Variants in TRMT11 observed in about 807,000 individuals in gnomAD.
TRMT11 encodes tRNA (guanine(10)-N(2))-methyltransferase TRMT11.
In TRMT11, 53 loss-of-function variants were observed where a neutral mutation model predicts 62.8. The ratio of observed to expected loss-of-function variants is 0.84; its 90% CI spans 0.68 to 1.06. The LOEUF (loss-of-function observed/expected upper bound fraction) is 1.06. TRMT11 is among the 50% of genes least tolerant of loss of function. TRMT11 has a pLI of 0.00. For synonymous variants in TRMT11, 188 were observed against 190.3 expected (o/e 0.99, Z 0.10); for missense variants, 556 against 553.4 (o/e 1.00, Z -0.05).
At chr6:126,096,515 A>C (rs187957064) in intron 17 of TRMT11, among the ~76,000 whole-genome samples, 39 of 151,244 alleles carry the variant, frequency 2.6e-4, no homozygotes, top group Non-Finnish European at 4.9e-4. Flanking sequence ...AGGTCATGCT[A>C]CCTCTAATTT....
intron 1 of TRMT11, among the ~76,000 whole-genome samples, chr6:125,990,439 TG>T (rs1386713245): frequency 1.3e-5 from 2 of 152,272 alleles, no homozygotes; most frequent in Non-Finnish European, 1.5e-5. Flanking sequence ...TTTTCTCCTC[TG>T]GGGGGCCCTT....
intron 5 of TRMT11, 103 bp from the exon 6 acceptor site, chr6:125,998,447 T>C: frequency 7.4e-7 from 1 of 1,356,904 alleles, no homozygotes; most frequent in Non-Finnish European, 1.0e-6. Flanking sequence ...TTTCATGTTT[T>C]ATTTAATGTT....
intron 21 of TRMT11, among the ~76,000 whole-genome samples, chr6:126,166,706 C>T (rs1355445774): frequency 6.6e-6 from 1 of 152,202 alleles, no homozygotes; most frequent in African/African-American, 2.4e-5. Context: ...TGAAGCTGCA[C>T]CCAGAGCTGC....
chr6:126,108,653 A>ATG lies in TRMT11; in HGVS notation c.*1438-4212_*1438-4211insGT, dbSNP rs202113546. Among the ~76,000 whole-genome samples the ATG allele has an allele frequency of 1.3e-3, 205 of 152,340 alleles. 3 individuals are homozygous for ATG. In the East Asian group the frequency reaches 0.033, roughly 24 times the overall value. ...CACTCCTTCTCTAGAACATTAATTTATAGTTCATTGAATGTGGTGCTCTAG... is the reference window on the plus strand; with the variant it reads ...CACTCCTTCTCTAGAACATTAATTTATGTAGTTCATTGAATGTGGTGCTCTAG... On this transcript the variant is annotated intron_variant and NMD_transcript_variant, in intron 17 of 22. Coordinates refer to the TRMT11 transcript ENST00000648977.
chr6:126,109,446 C>T (rs1049968925), intron 17 of TRMT11, among the ~76,000 whole-genome samples: 3 of 152,162 alleles, frequency 2.0e-5, no homozygotes, highest in South Asian at 2.1e-4. Context: ...ACCGAAGTTA[C>T]ACCCTTTGGG....
the TRMT11 span, among the ~76,000 whole-genome samples, chr6:126,261,057 T>C: frequency 6.6e-6 from 1 of 152,234 alleles, no homozygotes; most frequent in Non-Finnish European, 1.5e-5. Context: ...AAAACTACTA[T>C]AATGAGAAAG....
At chr6:126,008,356 T>TA in intron 7 of TRMT11, 36 bp from the exon 8 acceptor site, 1 of 1,582,474 alleles carries the variant, frequency 6.3e-7, no homozygotes, top group Non-Finnish European at 8.7e-7. Flanking sequence ...GTTTGGGACT[T>TA]ACTGGTTAAC....
intron 12 of TRMT11, among the ~76,000 whole-genome samples, chr6:126,024,141 TAA>T (rs1457660200): frequency 6.6e-6 from 1 of 152,250 alleles, no homozygotes; most frequent in East Asian, 1.9e-4. Flanking sequence ...TAAGTTAAAA[TAA>T]GTTTAATATG....
chr6:126,265,831 T>G, the TRMT11 span, among the ~76,000 whole-genome samples: 13 of 152,180 alleles, frequency 8.5e-5, no homozygotes, highest in Non-Finnish European at 1.3e-4. Flanking sequence ...CTGAAGACAT[T>G]ATATTTATCA....
chr6:126,123,300 C>CT (rs1228558380), intron 21 of TRMT11, among the ~76,000 whole-genome samples: 1 of 152,052 alleles, frequency 6.6e-6, no homozygotes, highest in Non-Finnish European at 1.5e-5. Context: ...TTGGAGCCAT[C>CT]TTTTGGGGGC....
chr6:126,224,799 A>G, the TRMT11 span, among the ~76,000 whole-genome samples: 1 of 152,212 alleles, frequency 6.6e-6, no homozygotes. Flanking sequence ...TGCCAGTGGC[A>G]GTGGGGCAAC....
intron 21 of TRMT11, among the ~76,000 whole-genome samples, chr6:126,161,061 G>A (rs536585625): frequency 6.6e-6 from 1 of 152,050 alleles, no homozygotes; most frequent in South Asian, 2.1e-4. Flanking sequence ...TGGTATTATG[G>A]TTCTTTTTAT....
the TRMT11 span, among the ~76,000 whole-genome samples, chr6:126,257,269 A>C: frequency 1.3e-5 from 2 of 151,780 alleles, no homozygotes; most frequent in Non-Finnish European, 2.9e-5. Context: ...TTTTCATTTT[A>C]TCTTTCTTTC....
chr6:126,261,573 A>G, the TRMT11 span, among the ~76,000 whole-genome samples: 1 of 152,104 alleles, frequency 6.6e-6, no homozygotes, highest in Non-Finnish European at 1.5e-5. Context: ...CAATTTGTGA[A>G]TTAATTGTCC....
chr6:126,259,150 G>T, the TRMT11 span, among the ~76,000 whole-genome samples: 1 of 152,134 alleles, frequency 6.6e-6, no homozygotes, highest in Non-Finnish European at 1.5e-5. Flanking sequence ...TAAAGGACAT[G>T]ATCTCATTTT....
chr6:125,997,891 C>T (rs1192234335), intron 3 of TRMT11, among the ~76,000 whole-genome samples, 162 bp from the exon 4 acceptor site: 1 of 152,190 alleles, frequency 6.6e-6, no homozygotes, highest in Non-Finnish European at 1.5e-5. Context: ...GGCTTTTCTG[C>T]AGCTTTTTAC....
intron 5 of TRMT11, 53 bp from the exon 6 acceptor site, chr6:125,998,497 A>AT (rs1791965572): frequency 1.3e-6 from 2 of 1,563,860 alleles, no homozygotes; most frequent in African/African-American, 1.4e-5. Flanking sequence ...GATAAGCGCC[A>AT]TTTTTCATTG....
At chr6:126,240,732 A>C in the TRMT11 span, among the ~76,000 whole-genome samples, 1 of 152,228 alleles carries the variant, frequency 6.6e-6, no homozygotes, top group African/African-American at 2.4e-5. Context: ...AGTGTCTTCC[A>C]ATCTGTCAGA....
rs1790586238 is a variant in TRMT11, at chr6:125,991,288, G to A, written c.73-2469G>A. On this transcript the variant is annotated intron_variant, in intron 1 of 12. Coordinates refer to ENST00000334379, the MANE Select transcript of TRMT11 (RefSeq NM_001031712.3). ...TTTTTTTGGAGACTGTTCTCTCTCTGTTTTCCAGGCTACAGTGCAGTGGCG... is the reference window on the plus strand; with the variant it reads ...TTTTTTTGGAGACTGTTCTCTCTCTATTTTCCAGGCTACAGTGCAGTGGCG... Among the ~76,000 whole-genome samples the A allele has an allele frequency of 3.3e-5, 5 of 151,642 alleles. No individual in the cohort carries two copies. In the South Asian group the frequency reaches 1.0e-3, roughly 32 times the overall value.
Sources: allele counts gnomAD v4.1 joint callset (sites outside exome capture counted in the v4.1 genomes callset), GRCh38; gene constraint gnomAD v4.1.1; transcripts MANE v1.5; gene names NCBI Gene and HGNC (gene_info 2026-07-23, HGNC 2026-07-21).